The following ISG20L2 variants were observed in gnomAD, a reference collection of about 807,000 sequenced individuals.
The protein encoded by ISG20L2 is interferon-stimulated 20 kDa exonuclease-like 2.
Under a neutral mutation model 27.8 loss-of-function variants are expected in ISG20L2, and 14 were observed. The ratio of observed to expected loss-of-function variants is 0.50; its 90% confidence interval spans 0.33 to 0.79. ISG20L2 has a LOEUF of 0.79. Among genes scored for constraint, ISG20L2 ranks in the 30% least tolerant of loss-of-function variants. The probability of loss-of-function intolerance (pLI) is 0.02; values close to 1 mark genes in which losing one functional copy is unlikely to be tolerated. For missense variants in ISG20L2, 393 were observed against 435.1 expected (o/e 0.90, Z 0.86); for synonymous variants, 157 against 165.7 (o/e 0.95, Z 0.40).
chr1:156,723,356 G>A lies in ISG20L2; in HGVS notation c.1055C>T (p.Thr352Ile). Residue 352 changes from threonine to isoleucine, a missense_variant, in exon 4 of 4, where the codon ACA becomes ATA. By Grantham distance (89) the Thr-to-Ile change is moderately conservative (BLOSUM62 -1). Around this residue, in one of 3 missense-constraint regions of ISG20L2, gnomAD observed 171 missense variants for 195.3 expected, o/e 0.88. Transcript: ENST00000368219. ...CCAGCGTCCCCACTGCCACTAGTCT[G>A]TAGGGGGATTCCGGGCTAGGTGCTC... Reference protein sequence around the residue: ...WEEHLARNPPTD With the variant: ...WEEHLARNPPID 4 of 1,614,136 alleles carry A rather than the reference G, an allele frequency of 2.5e-6. No homozygotes were observed. The highest frequency in any genetic ancestry group is 3.4e-6 in the Non-Finnish European group (4 of 1,180,036).
chr1:156,728,609 AGGAGGGGGCGGCGTG>A lies in ISG20L2; in HGVS notation c.-327_-313del. 1 of 681,216 alleles carries A rather than the reference AGGAGGGGGCGGCGTG, an allele frequency of 1.5e-6. No homozygotes were observed. Among genetic ancestry groups the A allele is most frequent in the Non-Finnish European group, 1.8e-6 (1 of 566,408 alleles). 42.2% of individuals were successfully genotyped at this position (681,216 alleles called of 1,614,324 possible). ...GTGTGAGGAGCGGCAGTGGCGGCGG[AGGAGGGGGCGGCGTG>A]GGTGGGGGCGGGGGCGGGATGCGCT... On this transcript the variant is annotated 5_prime_UTR_variant, in exon 1 of 4. Transcript: ENST00000368219.
At chr1:156,725,814 G>A (rs1648727368) in intron 2 of ISG20L2, 1 of 958,774 alleles carries the variant, frequency 1.0e-6, no homozygotes, top group Non-Finnish European at 1.2e-6. Flanking sequence ...TGCACAAGAT[G>A]TTTAACTCTT....
intron 2 of ISG20L2, chr1:156,725,839 T>A: frequency 1.0e-6 from 1 of 982,002 alleles, no homozygotes; most frequent in Non-Finnish European, 1.2e-6. Flanking sequence ...CCGTCTTTTC[T>A]AAAATAGTCA....
chr1:156,723,293 C>T lies in ISG20L2; in HGVS notation c.*56G>A. The T allele has an allele frequency of 1.2e-6, 2 of 1,607,896 alleles. No homozygotes were observed. The highest frequency in any genetic ancestry group is 2.2e-5 in the East Asian group (1 of 44,814). Reference sequence around the variant, plus strand: ...TGGAGCTGTCCATTGGTCCACTGCCCTGTTTCTCCTGGGTGCTGCCTCTGC... The same window carrying T: ...TGGAGCTGTCCATTGGTCCACTGCCTTGTTTCTCCTGGGTGCTGCCTCTGC... On this transcript the variant is annotated 3_prime_UTR_variant, in exon 4 of 4. Transcript: ENST00000368219.
In ISG20L2 at chr1:156,726,819, C is replaced by CT. The variant is rs142185028; in HGVS notation, c.747+86dup. 9.1e-4 allele frequency: 1,386 copies of CT among 1,527,008 alleles called. 15 individuals carry two copies. In the African/African-American group the frequency reaches 0.017, roughly 19 times the overall value. 94.6% of individuals were successfully genotyped at this position (1,527,008 alleles called of 1,614,324 possible). A position where few individuals can be genotyped will look rare whatever the true frequency, so the allele number is the denominator to read the frequency against. On this transcript the variant is annotated intron_variant, in intron 2 of 3. Coordinates refer to ENST00000368219, the MANE Select transcript of ISG20L2 (RefSeq NM_001370150.2). ...TCCCTCCCTCCACAAACGTTGGTGT[C>CT]TTCCCATAGTGATATCCTTTGCTGA...
chr1:156,726,844 A>T, intron 2 of ISG20L2, 62 bp downstream of exon 2: 2 of 1,551,490 alleles, frequency 1.3e-6, no homozygotes, highest in Non-Finnish European at 1.7e-6. Flanking sequence ...TCCTTTGCTG[A>T]AAAATGATTT....
chr1:156,727,632 A>C lies in ISG20L2; in HGVS notation c.21T>G (p.Asn7Lys). Residue 7 changes from asparagine to lysine, a missense_variant, in exon 2 of 4, where the codon AAT becomes AAG. Coordinates refer to ENST00000368219, the MANE Select transcript of ISG20L2 (RefSeq NM_001370150.2). ...TGGGAGGAGGTTCCCCAAAATCCAGATTGAGCAGTAAAGTAGACATAGGGA... is the reference window on the plus strand; with the variant it reads ...TGGGAGGAGGTTCCCCAAAATCCAGCTTGAGCAGTAAAGTAGACATAGGGA... MSTLLLNLDFGEPPPKK... is the reference protein window; with the variant it reads MSTLLLKLDFGEPPPKK... 6.2e-7 allele frequency: 1 copy of C among 1,613,530 alleles called. No individual in the cohort carries two copies. The highest frequency in any genetic ancestry group is 8.5e-7 in the Non-Finnish European group (1 of 1,179,926).
chr1:156,724,795 G>T, intron 2 of ISG20L2: 1 of 439,526 alleles, frequency 2.3e-6, no homozygotes, highest in Non-Finnish European at 3.0e-6. Flanking sequence ...ATGTGTATGG[G>T]TACTAGAGGA....
At chr1:156,725,918 G>T (rs868505488) in intron 2 of ISG20L2, 20 of 985,516 alleles carry the variant, frequency 2.0e-5, no homozygotes, top group African/African-American at 1.0e-4. Flanking sequence ...AGCGTGTCCA[G>T]AGAGGGCAGA....
At position 156,723,015 on chromosome 1, in the gene ISG20L2, T is replaced by G; in HGVS notation, c.*334A>C. 4.1e-6 allele frequency: 1 copy of G among 246,832 alleles called. No individual in the cohort carries two copies. Among genetic ancestry groups the G allele is most frequent in the African/African-American group, 2.2e-5 (1 of 45,684 alleles). 15.3% of individuals were successfully genotyped at this position (246,832 alleles called of 1,614,324 possible). On this transcript the variant is annotated 3_prime_UTR_variant, in exon 4 of 4. Coordinates refer to ENST00000368219, the MANE Select transcript of ISG20L2 (RefSeq NM_001370150.2). ...CAAGTGATAAGGCAGTTTGGGAAAC[T>G]ACATTTCCCAGTATGCCCTGCCCCT... is the stretch of plus-strand genomic sequence containing the variant.
chr1:156,724,087 G>T, intron 3 of ISG20L2, 61 bp downstream of exon 3: 1 of 1,442,858 alleles, frequency 6.9e-7, no homozygotes, highest in Non-Finnish European at 9.7e-7. Flanking sequence ...TCAGAGTCTG[G>T]CTAGGGGCAT....
Position 156,727,494 on chromosome 1 carries a change from C to T in ISG20L2, c.159G>A (p.Lys53=). The T allele has an allele frequency of 6.2e-7, 1 of 1,614,094 alleles. No homozygotes were observed. Among genetic ancestry groups the T allele is most frequent in the Admixed American group, 1.7e-5 (1 of 60,020 alleles). Reference sequence around the variant, plus strand: ...CTTTCTTTGAAGGTTCAGAGTGCAACTTAGGCGCCTTGCTAGGGGGTTGGT... The same window carrying T: ...CTTTCTTTGAAGGTTCAGAGTGCAATTTAGGCGCCTTGCTAGGGGGTTGGT... The part of the protein sequence containing the change: ...KKNQPPSKAP[K]LHSEPSKKGE... Residue 53 remains lysine, a synonymous_variant, in exon 2 of 4, where the codon AAG becomes AAA. Coordinates refer to ENST00000368219, the MANE Select transcript of ISG20L2 (RefSeq NM_001370150.2).
chr1:156,728,298 G>A (rs1648906411), intron 1 of ISG20L2, 117 bp downstream of exon 1: 4 of 985,804 alleles, frequency 4.1e-6, no homozygotes, highest in Admixed American at 6.1e-5. Context: ...TCCCACGCAA[G>A]GACCTTGACA....
At chr1:156,724,787 G>T in intron 2 of ISG20L2, 1 of 507,666 alleles carries the variant, frequency 2.0e-6, no homozygotes, top group Non-Finnish European at 2.6e-6. Context: ...GCAATTAGAT[G>T]TGTATGGGTA....
At position 156,723,333 on chromosome 1, in the gene ISG20L2, A is replaced by G; in HGVS notation, c.*16T>C. The G allele has an allele frequency of 6.2e-7, 1 of 1,613,908 alleles. No homozygotes were observed. Among genetic ancestry groups the G allele is most frequent in the Non-Finnish European group, 8.5e-7 (1 of 1,179,938 alleles). On this transcript the variant is annotated 3_prime_UTR_variant, in exon 4 of 4. Coordinates refer to ENST00000368219, the MANE Select transcript of ISG20L2 (RefSeq NM_001370150.2). The stretch of plus-strand genomic sequence containing the variant: ...GCTGCCTCTGCCTCCTCATATCACC[A>G]GCGTCCCCACTGCCACTAGTCTGTA...
chr1:156,723,386 C>G lies in ISG20L2; in HGVS notation c.1025G>C (p.Trp342Ser). 6.2e-7 allele frequency: 1 copy of G among 1,614,202 alleles called. No individual in the cohort carries two copies. Among genetic ancestry groups the G allele is most frequent in the Non-Finnish European group, 8.5e-7 (1 of 1,180,042 alleles). ...GGGATTCCGGGCTAGGTGCTCTTCCCACTCGACTTCAACCAACTTATATAG... is the reference window on the plus strand; with the variant it reads ...GGGATTCCGGGCTAGGTGCTCTTCCGACTCGACTTCAACCAACTTATATAG... ...MELYKLVEVEWEEHLARNPPT... is the reference protein window; with the variant it reads ...MELYKLVEVESEEHLARNPPT... Residue 342 changes from tryptophan (W) to serine (S), a missense_variant, in exon 4 of 4, where the codon TGG becomes TCG. Around this residue, in one of 3 missense-constraint regions of ISG20L2, gnomAD observed 171 missense variants for 195.3 expected, o/e 0.88. Transcript: ENST00000368219.
Position 156,728,496 on chromosome 1 carries a change from C to T in ISG20L2, c.-199G>A, listed in dbSNP as rs1307950692. 3.0e-6 allele frequency: 3 copies of T among 985,510 alleles called. No individual in the cohort carries two copies. The highest frequency in any genetic ancestry group is 1.7e-5 in the African/African-American group (1 of 57,242). The allele number at this position is 985,510 out of a possible 1,614,324, so 61.0% of individuals were successfully genotyped here. ...TGCGCGCCGACGAAGCCCGGGAAGG[C>T]AGGCGCGCGGGTTAGAACGCGCCAG... On this transcript the variant is annotated 5_prime_UTR_variant, in exon 1 of 4. Coordinates refer to ENST00000368219, the MANE Select transcript of ISG20L2 (RefSeq NM_001370150.2).
chr1:156,726,690 G>C (rs1648777357), intron 2 of ISG20L2: 3 of 985,282 alleles, frequency 3.0e-6, no homozygotes, highest in African/African-American at 1.7e-5. Flanking sequence ...GGCTAAAATA[G>C]ATCTTGACCA....
intron 3 of ISG20L2, 200 bp from the exon 4 acceptor site, chr1:156,723,662 G>A: frequency 1.0e-6 from 1 of 985,348 alleles, no homozygotes; most frequent in Non-Finnish European, 1.2e-6. Flanking sequence ...CTTTGCCACT[G>A]TCTACCTCAG....
Sources: allele counts gnomAD v4.1 joint callset, GRCh38; gene constraint gnomAD v4.1.1; regional missense constraint gnomAD v4.1.1; transcripts MANE v1.5; gene names NCBI Gene and HGNC (gene_info 2026-07-23, HGNC 2026-07-21).